Variants in RECK observed in about 807,000 individuals in gnomAD.
RECK encodes reversion-inducing cysteine-rich protein with Kazal motifs.
In RECK, 69 loss-of-function variants were observed where a neutral mutation model predicts 115.1. The ratio of observed to expected loss-of-function variants is 0.60; its 90% CI spans 0.49 to 0.73. The LOEUF (loss-of-function observed/expected upper bound fraction) is 0.73, where lower values mean the gene tolerates loss of function less well. Ranked by LOEUF, RECK falls within the 30% of genes least tolerant of loss-of-function variation. The probability of loss-of-function intolerance (pLI) is 0.00; values close to 1 mark genes in which losing one functional copy is unlikely to be tolerated. For missense variants in RECK, 1,047 were observed against 1,203.7 expected (o/e 0.87, Z 1.93); for synonymous variants, 414 against 419.7 (o/e 0.99, Z 0.17).
rs1016760173 is a variant in RECK at position 36,109,622 on chromosome 9, T to C, written c.1766-335T>C. On this transcript the variant is annotated intron_variant, in intron 14 of 20. Coordinates refer to ENST00000377966, the MANE Select transcript of RECK (RefSeq NM_021111.3). ...ACTTTGGTAGGCCGAGGCAGGCAGA[T>C]GGCATGAGCCTAGGCATTCAAGACC... Among the ~76,000 whole-genome samples the C allele has an allele frequency of 3.9e-5, 6 of 152,222 alleles. No individual in the cohort carries two copies. In the East Asian group the frequency reaches 7.7e-4, roughly 20 times the overall value.
At chr9:36,052,372 C>G (rs372895159) in intron 2 of RECK, 49 bp downstream of exon 2, 9 of 1,384,310 alleles carry the variant, frequency 6.5e-6, no homozygotes, top group Non-Finnish European at 8.2e-6. Context: ...GTGGTTCATG[C>G]CTGTAATCCC....
intron 12 of RECK, 79 bp from the exon 13 acceptor site, chr9:36,105,064 G>T: frequency 8.2e-7 from 1 of 1,218,454 alleles, no homozygotes; most frequent in Non-Finnish European, 1.2e-6. Flanking sequence ...ATTTATTCCA[G>T]CCATAATTAA....
At chr9:36,072,516 A>G (rs1426956425) in intron 6 of RECK, among the ~76,000 whole-genome samples, 1 of 152,222 alleles carries the variant, frequency 6.6e-6, no homozygotes, top group African/African-American at 2.4e-5. Flanking sequence ...AACAAAAGGA[A>G]TCGTGTGATA....
chr9:36,098,885 A>G (rs1823459181), intron 10 of RECK, among the ~76,000 whole-genome samples: 5 of 152,274 alleles, frequency 3.3e-5, no homozygotes. Flanking sequence ...CCTCTGCTGG[A>G]ATCAGGGATT....
intron 1 of RECK, among the ~76,000 whole-genome samples, chr9:36,042,905 G>A (rs1358548930): frequency 6.7e-6 from 1 of 149,122 alleles, no homozygotes; most frequent in Admixed American, 6.7e-5. Context: ...TTGTGGTTTT[G>A]ATTTGCATTT....
Position 36,060,156 on chromosome 9 carries a change from G to A in RECK, c.271+1G>A, listed in dbSNP as rs1443848678. 1 of 1,612,966 alleles carries A rather than the reference G, an allele frequency of 6.2e-7. No individual in the cohort carries two copies. The highest frequency in any genetic ancestry group is 8.5e-7 in the Non-Finnish European group (1 of 1,179,282). Reference sequence around the variant, plus strand: ...AATTGTATGAATTCATCTTTGCCAGGTAAGCAATAAAAGTGTAACATTTAG... The same window carrying A: ...AATTGTATGAATTCATCTTTGCCAGATAAGCAATAAAAGTGTAACATTTAG... On this transcript the variant is annotated splice_donor_variant, in intron 4 of 20. Coordinates refer to ENST00000377966, the MANE Select transcript of RECK (RefSeq NM_021111.3). LOFTEE classifies it high-confidence loss of function.
rs371480426 is a variant in RECK at position 36,043,288 on chromosome 9, C to T, written c.100+6190C>T. Among the ~76,000 whole-genome samples, 69 of 149,528 alleles carry T rather than the reference C, an allele frequency of 4.6e-4. No individual in the cohort carries two copies. The East Asian group carries it at 9.7e-3, about 21-fold the overall frequency. ...CAATCTCCTGACCTCCTGATCCACC[C>T]GCCTCGGCCTCCCAAAGTGCTGGGA... On this transcript the variant is annotated intron_variant, in intron 1 of 20. Transcript: ENST00000377966.
intron 16 of RECK, 43 bp from the exon 17 acceptor site, chr9:36,116,942 C>T (rs1824289785): frequency 6.5e-7 from 1 of 1,531,510 alleles, no homozygotes. Flanking sequence ...CCACCACAGT[C>T]CCTCCCTACA....
chr9:36,100,500 A>G lies in RECK; in HGVS notation c.1255A>G (p.Ile419Val). Residue 419 changes from isoleucine (I) to valine (V), a missense_variant, in exon 11 of 21, where the codon ATT becomes GTT. Physicochemically the swap from Ile to Val is conservative, Grantham distance 29 (BLOSUM62 3). Transcript: ENST00000377966. ...MWKAIACSLQ[I>V]KPCHSKSRGS... ...GAAAGCAATAGCTTGTTCACTGCAG[A>G]TTAAACCTTGTCATAGTAAATCTCG... The G allele has an allele frequency of 1.9e-6, 3 of 1,614,152 alleles. No individual in the cohort carries two copies. The highest frequency in any genetic ancestry group is 2.5e-6 in the Non-Finnish European group (3 of 1,179,978).
Position 36,108,005 on chromosome 9 carries a change from A to G in RECK, c.1606A>G (p.Ile536Val). 1 of 1,611,950 alleles carries G rather than the reference A, an allele frequency of 6.2e-7. No homozygotes were observed. The highest frequency in any genetic ancestry group is 8.5e-7 in the Non-Finnish European group (1 of 1,179,372). The change falls in exon 14 of 21, where the codon ATT becomes GTT. Residue 536 changes from isoleucine (I) to valine (V), a missense_variant. By Grantham distance (29) the Ile-to-Val change is conservative. Transcript: ENST00000377966. ...CAAACTGGGAGAAGCTTCTGATTTC[A>G]TTGTCCGTCAAGGGACACTAATCCA... ...GCKLGEASDF[I>V]VRQGTLIQVP...
At chr9:36,042,540 G>T (rs1460055420) in intron 1 of RECK, among the ~76,000 whole-genome samples, 1 of 151,612 alleles carries the variant, frequency 6.6e-6, no homozygotes, top group Non-Finnish European at 1.5e-5. Flanking sequence ...TAATTGTGCT[G>T]CTACACACAT....
chr9:36,052,227 C>G, intron 1 of RECK, 38 bp from the exon 2 acceptor site: 1 of 1,283,720 alleles, frequency 7.8e-7, no homozygotes, highest in Non-Finnish European at 1.1e-6. Flanking sequence ...TCTTGTTTAA[C>G]AGTGGAACAA....
chr9:36,109,855 AG>A, intron 14 of RECK, 101 bp from the exon 15 acceptor site: 1 of 1,174,204 alleles, frequency 8.5e-7, no homozygotes, highest in Non-Finnish European at 1.2e-6. Flanking sequence ...AAAAAAAAAA[AG>A]GAATTTCCAT....
chr9:36,048,565 A>T (rs1008272546), intron 1 of RECK, among the ~76,000 whole-genome samples: 19 of 152,112 alleles, frequency 1.2e-4, no homozygotes, highest in African/African-American at 4.6e-4. Flanking sequence ...CTATTTTCAG[A>T]TCTAATCACT....
At chr9:36,096,324 G>A (rs941612951) in intron 10 of RECK, among the ~76,000 whole-genome samples, 2 of 151,832 alleles carry the variant, frequency 1.3e-5, no homozygotes, top group East Asian at 1.9e-4. Flanking sequence ...ATTACCTGAC[G>A]TCAAGAGTTC....
chr9:36,085,709 C>G (rs1342919062), intron 8 of RECK: 1 of 150,580 alleles, frequency 6.6e-6, no homozygotes, highest in Non-Finnish European at 1.5e-5. Context: ...AAAGCAAGAC[C>G]CTGCCTCGGG....
chr9:36,116,185 A>G (rs1824256071), intron 16 of RECK, among the ~76,000 whole-genome samples: 1 of 145,572 alleles, frequency 6.9e-6, no homozygotes, highest in African/African-American at 2.6e-5. Flanking sequence ...CTGGGGTGCA[A>G]TGGCGCGATA....
chr9:36,086,425 C>A (rs1162265853), intron 8 of RECK, among the ~76,000 whole-genome samples: 1 of 152,072 alleles, frequency 6.6e-6, no homozygotes. Context: ...GGTTCGTGGT[C>A]TCGCTGACTT....
chr9:36,115,444 T>C (rs1476320604), intron 16 of RECK, among the ~76,000 whole-genome samples: 1 of 152,098 alleles, frequency 6.6e-6, no homozygotes. Flanking sequence ...GTCTCTGCCC[T>C]GCTCACGTTT....
Sources: allele counts gnomAD v4.1 joint callset (sites outside exome capture counted in the v4.1 genomes callset), GRCh38; gene constraint gnomAD v4.1.1; transcripts MANE v1.5; gene names NCBI Gene and HGNC (gene_info 2026-07-23, HGNC 2026-07-21).